The following FAR2 variants were observed in gnomAD, a reference collection of about 807,000 sequenced individuals.
FAR2 encodes the protein epididymis secretory protein Li 81.
In FAR2, 19 loss-of-function variants were observed where a neutral mutation model predicts 56.0. That is an observed-to-expected ratio of 0.34 (90% CI 0.24 to 0.50). The LOEUF is 0.50. Ranked by LOEUF, FAR2 falls within the 20% of genes least tolerant of loss-of-function variation. FAR2 has a pLI of 0.98. For missense variants in FAR2, 508 were observed against 642.2 expected (o/e 0.79, Z 2.26); for synonymous variants, 219 against 218.8 (o/e 1.00, Z -0.01).
At chr12:29,230,511 C>G (rs1479762173) in intron 1 of FAR2, among the ~76,000 whole-genome samples, 3 of 151,934 alleles carry the variant, frequency 2.0e-5, no homozygotes, top group African/African-American at 7.3e-5. Context: ...GCCAGGCAAC[C>G]CTTGGAGAGT....
chr12:29,248,879 A>G (rs1056182957), intron 1 of FAR2, among the ~76,000 whole-genome samples: 2 of 152,234 alleles, frequency 1.3e-5, no homozygotes, highest in African/African-American at 4.8e-5. Context: ...TTTTGAAAGA[A>G]GAGATATATG....
intron 1 of FAR2, among the ~76,000 whole-genome samples, chr12:29,248,537 C>T (rs1035552155): frequency 1.3e-5 from 2 of 152,094 alleles, no homozygotes; most frequent in Non-Finnish European, 2.9e-5. Context: ...GGAGGCAGGG[C>T]GAGATCACAG....
intron 1 of FAR2, among the ~76,000 whole-genome samples, chr12:29,209,344 A>C (rs1947515767): frequency 6.6e-6 from 1 of 152,222 alleles, no homozygotes; most frequent in East Asian, 1.9e-4. Context: ...GATAAGATGC[A>C]TCAGGTCAAT....
intron 1 of FAR2, among the ~76,000 whole-genome samples, chr12:29,215,302 T>C (rs1349200629): frequency 1.3e-5 from 2 of 152,190 alleles, no homozygotes; most frequent in African/African-American, 4.8e-5. Context: ...GCTTTTGTCT[T>C]GTATGTCCAA....
intron 1 of FAR2, among the ~76,000 whole-genome samples, chr12:29,190,158 T>G (rs1244390321): frequency 6.6e-6 from 1 of 152,160 alleles, no homozygotes; most frequent in Non-Finnish European, 1.5e-5. Context: ...GAGAAGCTCT[T>G]TAGACAAGGT....
At chr12:29,179,428 C>T (rs374529630) in intron 1 of FAR2, among the ~76,000 whole-genome samples, 1 of 152,178 alleles carries the variant, frequency 6.6e-6, no homozygotes, top group East Asian at 1.9e-4. Flanking sequence ...TTACCCTATG[C>T]CAGGTTCTTT....
chr12:29,282,748 T>C (rs1325490772), intron 2 of FAR2, among the ~76,000 whole-genome samples: 5 of 152,202 alleles, frequency 3.3e-5, no homozygotes, highest in Admixed American at 2.0e-4. Flanking sequence ...TTTTATGGTA[T>C]GCATAGATAT....
intron 1 of FAR2, among the ~76,000 whole-genome samples, chr12:29,160,831 C>A (rs1003973766): frequency 5.3e-5 from 8 of 152,200 alleles, no homozygotes; most frequent in East Asian, 3.9e-4. Context: ...GACCCCCCCC[C>A]ACTCCAGTAT....
At chr12:29,194,071 G>A (rs991162327) in intron 1 of FAR2, among the ~76,000 whole-genome samples, 12 of 152,102 alleles carry the variant, frequency 7.9e-5, no homozygotes, top group East Asian at 3.8e-4. Context: ...TGCTCTCTCC[G>A]TAGGTTAACC....
chr12:29,253,185 CTCTA>C (rs1170943500), intron 1 of FAR2, among the ~76,000 whole-genome samples: 3 of 99,590 alleles, frequency 3.0e-5, no homozygotes, highest in South Asian at 3.0e-4. Context: ...CTATCTCTCT[CTCTA>C]TCTATCTATC....
chr12:29,283,935 C>T (rs1948827631), intron 2 of FAR2, among the ~76,000 whole-genome samples: 1 of 152,118 alleles, frequency 6.6e-6, no homozygotes, highest in Admixed American at 6.5e-5. Context: ...CCCACTATAC[C>T]AGATAATGAG....
At chr12:29,204,356 A>G (rs914272313) in intron 1 of FAR2, among the ~76,000 whole-genome samples, 2 of 152,208 alleles carry the variant, frequency 1.3e-5, no homozygotes, top group African/African-American at 4.8e-5. Flanking sequence ...TACATATAAA[A>G]TGAAACAATG....
chr12:29,334,318 C>T lies in FAR2; in HGVS notation c.*524C>T, dbSNP rs558844128. ...GTCTCTCTTTCTTTCTATGTTATAC[C>T]CTGGAGTCCTGGTTGAGGGGTGGGG... On this transcript the variant is annotated 3_prime_UTR_variant, in exon 12 of 12. Transcript: ENST00000536681. 2.0e-5 allele frequency: 3 copies of T among 152,004 alleles called. No homozygotes were observed. The highest frequency in any genetic ancestry group is 4.2e-4 in the South Asian group (2 of 4,814). The allele number at this position is 152,004 out of a possible 1,614,324, so 9.4% of individuals were successfully genotyped here.
intron 1 of FAR2, among the ~76,000 whole-genome samples, chr12:29,196,897 A>C (rs1950148747): frequency 1.3e-5 from 2 of 152,198 alleles, no homozygotes; most frequent in Admixed American, 6.5e-5. Context: ...CAAGGGACAC[A>C]GACAGCTCAA....
intron 2 of FAR2, among the ~76,000 whole-genome samples, chr12:29,276,934 ACT>A (rs1431291209): frequency 2.0e-5 from 3 of 150,868 alleles, no homozygotes; most frequent in Admixed American, 2.0e-4. Context: ...ACAGAGTGAA[ACT>A]CTGTCTCAAA....
chr12:29,255,290 C>T (rs1447421458), intron 1 of FAR2, among the ~76,000 whole-genome samples: 1 of 152,210 alleles, frequency 6.6e-6, no homozygotes, highest in African/African-American at 2.4e-5. Context: ...GCCTAGAGAG[C>T]TCTCTGGTGT....
intron 10 of FAR2, among the ~76,000 whole-genome samples, chr12:29,326,079 G>A (rs1336992848): frequency 4.6e-5 from 7 of 150,556 alleles, no homozygotes; most frequent in African/African-American, 7.3e-5. Flanking sequence ...TATCACCACC[G>A]ATCCCACAGA....
chr12:29,315,765 A>G (rs549137284), intron 8 of FAR2, among the ~76,000 whole-genome samples: 2 of 152,368 alleles, frequency 1.3e-5, no homozygotes, highest in South Asian at 4.1e-4. Context: ...GGTTAGAGGT[A>G]GAAGATTAGT....
Position 29,307,803 on chromosome 12 carries a change from A to G in FAR2, c.691A>G (p.Ile231Val). 6.2e-7 allele frequency: 1 copy of G among 1,611,656 alleles called. No homozygotes were observed. Residue 231 changes from isoleucine to valine, a missense_variant, in exon 5 of 12, where the codon ATT (isoleucine) becomes GTT (valine). Coordinates refer to ENST00000536681, the MANE Select transcript of FAR2 (RefSeq NM_001271783.2). ...NLNIAIIRPS[I>V]VGATWQEPFP... ...GAACATTGCCATCATAAGGCCCTCC[A>G]TTGTGGGAGCAACTTGGCAGGAGCC...
Sources: gnomAD v4.1 joint callset for allele counts (sites outside exome capture counted in the v4.1 genomes callset) on GRCh38, gnomAD v4.1.1 for gene constraint, MANE v1.5 for transcripts, NCBI Gene and HGNC (gene_info 2026-07-23, HGNC 2026-07-21) for gene names.